The following POLR3GL variants were observed in gnomAD, a reference collection of about 807,000 sequenced individuals.
POLR3GL encodes DNA-directed RNA polymerase III subunit RPC7-like.
POLR3GL carries 26 observed loss-of-function variants against 32.4 expected under a neutral mutation model. That is an observed-to-expected ratio of 0.80 (90% CI 0.59 to 1.11). The LOEUF (loss-of-function observed/expected upper bound fraction) is 1.11. Among genes scored for constraint, POLR3GL ranks in the 50% most tolerant of loss-of-function variants. The pLI is 0.00. For synonymous variants in POLR3GL, 95 were observed against 98.7 expected, an observed-to-expected ratio of 0.96 and a Z score of 0.22; for missense variants, 229 against 280.1, an observed-to-expected ratio of 0.82 and a Z score of 1.30.
chr1:145,974,971 C>A lies in POLR3GL; in HGVS notation c.106C>A (p.Gln36Lys), dbSNP rs1570998396. 2 of 1,518,734 alleles carry A rather than the reference C, an allele frequency of 1.3e-6. No homozygotes were observed. Among genetic ancestry groups the A allele is most frequent in the Non-Finnish European group, 1.8e-6 (2 of 1,138,400 alleles). The allele number at this position is 1,518,734 out of a possible 1,614,324, so 94.1% of individuals were successfully genotyped here. Residue 36 changes from glutamine (Q) to lysine (K), a missense_variant, in exon 2 of 8, where the codon CAG (glutamine) becomes AAG (lysine). Gln to Lys is a moderately conservative substitution (Grantham distance 53, BLOSUM62 1). Coordinates refer to ENST00000369314, the MANE Select transcript of POLR3GL (RefSeq NM_032305.3). ...KGDALPPPTL[Q>K]PSPLFPPLEF... is the part of the protein sequence containing the mutation. ...GGATGCTTTGCCCCCACCCACCCTG[C>A]AGCCTTCTCCACTCTTCCCTGTGAG...
At chr1:145,973,366 G>A (rs941712720) in intron 1 of POLR3GL, among the ~76,000 whole-genome samples, 1 of 151,936 alleles carries the variant, frequency 6.6e-6, no homozygotes, top group Non-Finnish European at 1.5e-5. Context: ...TGTCTTGGGG[G>A]GAGAATGGAT....
Position 145,975,351 on chromosome 1 carries a change from G to A in POLR3GL, c.171G>A (p.Gly57=). 12 of 1,614,174 alleles carry A rather than the reference G, an allele frequency of 7.4e-6. No individual in the cohort carries two copies. The highest frequency in any genetic ancestry group is 1.0e-5 in the Non-Finnish European group (12 of 1,180,016). Reference sequence around the variant, plus strand: ...TACCTTTGCCCTCAGGCGAGGAAGGGGAATATGTCCTGGCACTGAAGCAAG... The same window carrying A: ...TACCTTTGCCCTCAGGCGAGGAAGGAGAATATGTCCTGGCACTGAAGCAAG... The part of the protein sequence containing the change: ...RPVPLPSGEE[G]EYVLALKQEL... The change falls in exon 3 of 8, where the codon GGG becomes GGA. Residue 57 remains glycine (G), a synonymous_variant. Transcript: ENST00000369314.
At chr1:145,969,018 A>T (rs1650161603) in intron 1 of POLR3GL, among the ~76,000 whole-genome samples, 1 of 152,092 alleles carries the variant, frequency 6.6e-6, no homozygotes, top group Non-Finnish European at 1.5e-5. Flanking sequence ...AACTTCCCAG[A>T]TTCCTCAGAT....
At chr1:145,973,644 A>AGAGGTTGCAGTGAGCC (rs1553762984) in intron 1 of POLR3GL, among the ~76,000 whole-genome samples, 1 of 151,064 alleles carries the variant, frequency 6.6e-6, no homozygotes, top group Admixed American at 6.6e-5. Context: ...CCTGGGAGGC[A>AGAGGTTGCAGTGAGCC]GAGGTTGCAG....
At position 145,973,961 on chromosome 1, in the gene POLR3GL, T is replaced by TTA. The variant is rs1553763033; in HGVS notation, c.-41-864_-41-863insTA. ...CTTGACATAATGAAATCCAGTCTCT[T>TTA]AAAAAAAAAAAAAAAAAAAAAAGAG... On this transcript the variant is annotated intron_variant, in intron 1 of 7. Coordinates refer to ENST00000369314, the MANE Select transcript of POLR3GL (RefSeq NM_032305.3). Among the ~76,000 whole-genome samples, 417 of 104,896 alleles carry TTA rather than the reference T, an allele frequency of 4.0e-3. 30 individuals are homozygous for TTA. Among genetic ancestry groups the TTA allele is most frequent in the Non-Finnish European group, 5.8e-3 (294 of 50,370 alleles). The allele number at this position is 104,896 out of a possible 152,430, so 68.8% of individuals were successfully genotyped here. A position where few individuals can be genotyped will look rare whatever the true frequency, so the allele number is the denominator to read the frequency against.
At chr1:145,971,337 AT>A (rs1303201269) in intron 1 of POLR3GL, among the ~76,000 whole-genome samples, 1 of 152,006 alleles carries the variant, frequency 6.6e-6, no homozygotes, top group Admixed American at 6.5e-5. Context: ...CCCATTTAGG[AT>A]TCCACATTAT....
At chr1:145,973,616 GC>G (rs1261567853) in intron 1 of POLR3GL, among the ~76,000 whole-genome samples, 5 of 151,870 alleles carry the variant, frequency 3.3e-5, no homozygotes, top group Admixed American at 3.3e-4. Context: ...GGAAGCTGAG[GC>G]AGGAGGATCA....
chr1:145,965,141 G>T (rs956425662), intron 1 of POLR3GL, among the ~76,000 whole-genome samples: 1 of 152,170 alleles, frequency 6.6e-6, no homozygotes, highest in Non-Finnish European at 1.5e-5. Context: ...TTGTTCCCCC[G>T]TCTACGATAG....
At chr1:145,969,355 C>T (rs1463378501) in intron 1 of POLR3GL, among the ~76,000 whole-genome samples, 1 of 151,986 alleles carries the variant, frequency 6.6e-6, no homozygotes, top group Non-Finnish European at 1.5e-5. Context: ...ACCTCCACCT[C>T]CCGGGTTCAA....
At chr1:145,972,012 ACGTGTGTGTGTGTGTGTG>A (rs1650340814) in intron 1 of POLR3GL, among the ~76,000 whole-genome samples, 3 of 112,604 alleles carry the variant, frequency 2.7e-5, no homozygotes, top group African/African-American at 1.2e-4. Context: ...ATATATATAT[ACGTGTGTGTGTGTGTGTG>A]TATATATATA....
intron 1 of POLR3GL, among the ~76,000 whole-genome samples, chr1:145,969,367 C>A (rs1187990746): frequency 1.3e-5 from 2 of 151,816 alleles, no homozygotes; most frequent in Non-Finnish European, 2.9e-5. Context: ...CGGGTTCAAG[C>A]GATTCTCCTG....
chr1:145,970,768 C>T (rs1429855042), intron 1 of POLR3GL, among the ~76,000 whole-genome samples: 4 of 145,920 alleles, frequency 2.7e-5, no homozygotes, highest in Admixed American at 7.0e-5. Context: ...CCCAACTACT[C>T]GGGAGGCTGA....
chr1:145,970,694 A>C (rs1650236659), intron 1 of POLR3GL, among the ~76,000 whole-genome samples: 1 of 151,000 alleles, frequency 6.6e-6, no homozygotes, highest in Non-Finnish European at 1.5e-5. Flanking sequence ...CAAGATGGTG[A>C]AACCCCGTCT....
rs1553763912 is a variant in POLR3GL, at chr1:145,978,605, A to C, written c.*158A>C. 1.6e-6 allele frequency: 1 copy of C among 642,752 alleles called. No individual in the cohort carries two copies. The allele number at this position is 642,752 out of a possible 1,614,324, so 39.8% of individuals were successfully genotyped here. ...AGGATGATGACAGTTTATTTTCTAC[A>C]CTTCCCCTCCTTCCACATTTGTATC... On this transcript the variant is annotated 3_prime_UTR_variant, in exon 8 of 8. Transcript: ENST00000369314.
In POLR3GL at chr1:145,978,080, A is replaced by G. The variant is rs41296198; in HGVS notation, c.554A>G (p.Glu185Gly). ...GAGGAGGAAGAAGAAGAGTATGATGAAGAAGAACATGAAGAGGTGAAGGGG... is the reference window on the plus strand; with the variant it reads ...GAGGAGGAAGAAGAAGAGTATGATGGAGAAGAACATGAAGAGGTGAAGGGG... The part of the protein sequence containing the change: ...KEEEEEEEYD[E>G]EEHEEETDYI... Residue 185 changes from glutamate (E) to glycine (G), a missense_variant, in exon 7 of 8, where the codon GAA (glutamate) becomes GGA (glycine). Physicochemically the swap from Glu to Gly is moderately conservative, Grantham distance 98. Transcript: ENST00000369314. 4,164 of 1,601,742 alleles carry G rather than the reference A, an allele frequency of 2.6e-3. 17 individuals carry two copies. Among genetic ancestry groups the G allele is most frequent in the Non-Finnish European group, 2.6e-3 (3,054 of 1,172,952 alleles).
chr1:145,965,016 A>C (rs1384416976), intron 1 of POLR3GL, among the ~76,000 whole-genome samples: 1 of 152,148 alleles, frequency 6.6e-6, no homozygotes, highest in Non-Finnish European at 1.5e-5. Context: ...TATAGCATCA[A>C]CTTCCCCCTA....
chr1:145,969,183 C>T (rs1260822550), intron 1 of POLR3GL, among the ~76,000 whole-genome samples: 3 of 152,124 alleles, frequency 2.0e-5, no homozygotes, highest in East Asian at 1.9e-4. Context: ...ACTGCAGCCT[C>T]GACTGCCTGG....
Position 145,978,493 on chromosome 1 carries a change from A to T in POLR3GL, c.*46A>T. On this transcript the variant is annotated 3_prime_UTR_variant, in exon 8 of 8. Transcript: ENST00000369314. ...TGTCTTTCTTTAGGATACAGAGAGT[A>T]ACTGTACCTATTATTTGTTTCTTCA... The T allele has an allele frequency of 2.6e-6, 3 of 1,155,810 alleles. No individual in the cohort carries two copies. Among genetic ancestry groups the T allele is most frequent in the Non-Finnish European group, 3.9e-6 (3 of 772,138 alleles). The allele number at this position is 1,155,810 out of a possible 1,614,324, so 71.6% of individuals were successfully genotyped here.
At chr1:145,971,869 G>A (rs1367059234) in intron 1 of POLR3GL, among the ~76,000 whole-genome samples, 1 of 148,462 alleles carries the variant, frequency 6.7e-6, no homozygotes, top group Non-Finnish European at 1.5e-5. Flanking sequence ...GGAGGCTGAG[G>A]CAGGAGAGTC....
Sources: allele counts gnomAD v4.1 joint callset (sites outside exome capture counted in the v4.1 genomes callset), GRCh38; gene constraint gnomAD v4.1.1; transcripts MANE v1.5; gene names NCBI Gene and HGNC (gene_info 2026-07-23, HGNC 2026-07-21).